CNTNAP2: variants seen among roughly 807,000 people sequenced by gnomAD.
The protein encoded by CNTNAP2 is contactin associated protein 2.
A neutral mutation model predicts 155.2 loss-of-function variants in CNTNAP2; 98 were observed. That is an observed-to-expected ratio of 0.63 (90% CI 0.54 to 0.75). The LOEUF (loss-of-function observed/expected upper bound fraction) is 0.75. Among genes scored for constraint, CNTNAP2 ranks in the 30% least tolerant of loss-of-function variants. The pLI is 0.00. For missense variants in CNTNAP2, 1,727 were observed against 1,688.1 expected, an observed-to-expected ratio of 1.02 and a Z score of -0.40; for synonymous variants, 651 against 631.2, an observed-to-expected ratio of 1.03 and a Z score of -0.47.
In CNTNAP2 at chr7:146,705,510, C is replaced by T. The variant is rs915608670; in HGVS notation, c.98-68761C>T. Among the ~76,000 whole-genome samples, 3 of 152,206 alleles carry T rather than the reference C, an allele frequency of 2.0e-5. No homozygotes were observed. In the South Asian group the frequency reaches 6.2e-4, roughly 32 times the overall value. ...TATCACCCCGCAAAATGCTCCACCT[C>T]CTAATACAATCTTCTTGGTACAACG... is the stretch of plus-strand genomic sequence containing the variant. On this transcript the variant is annotated intron_variant, in intron 1 of 23. Coordinates refer to ENST00000361727, the MANE Select transcript of CNTNAP2 (RefSeq NM_014141.6).
At chr7:147,650,934 G>T (rs1228738435) in intron 13 of CNTNAP2, among the ~76,000 whole-genome samples, 1 of 152,052 alleles carries the variant, frequency 6.6e-6, no homozygotes, top group Non-Finnish European at 1.5e-5. Context: ...AATAAATTTA[G>T]AATTCATAAT....
intron 13 of CNTNAP2, among the ~76,000 whole-genome samples, chr7:147,884,911 A>G (rs1563123382): frequency 6.6e-6 from 1 of 152,326 alleles, no homozygotes; most frequent in Non-Finnish European, 1.5e-5. Context: ...TTATAAACAA[A>G]AAAAGGATTT....
intron 3 of CNTNAP2, among the ~76,000 whole-genome samples, chr7:146,919,476 T>C (rs958059933): frequency 6.6e-6 from 1 of 152,172 alleles, no homozygotes; most frequent in Admixed American, 6.6e-5. Context: ...AGCCAACCAG[T>C]AGAGCTACTG....
At chr7:147,976,056 T>A (rs2116862479) in intron 14 of CNTNAP2, among the ~76,000 whole-genome samples, 1 of 152,332 alleles carries the variant, frequency 6.6e-6, no homozygotes, top group African/African-American at 2.4e-5. Flanking sequence ...CAATAAAACT[T>A]TTTTATGAAC....
intron 1 of CNTNAP2, among the ~76,000 whole-genome samples, chr7:146,747,314 A>C (rs1375770479): frequency 6.6e-6 from 1 of 152,194 alleles, no homozygotes; most frequent in Non-Finnish European, 1.5e-5. Context: ...AGGACCTAAG[A>C]GAGATTAAGG....
chr7:146,154,927 C>T (rs1191139837), intron 1 of CNTNAP2, among the ~76,000 whole-genome samples: 10 of 152,120 alleles, frequency 6.6e-5, no homozygotes, highest in Non-Finnish European at 8.8e-5. Context: ...CACAAATCAA[C>T]GATATTGAAA....
chr7:147,886,472 T>C (rs1188042939), intron 13 of CNTNAP2, among the ~76,000 whole-genome samples: 3 of 60,820 alleles, frequency 4.9e-5, no homozygotes, highest in African/African-American at 2.9e-4. Flanking sequence ...GGAAACTCCA[T>C]CTCAAAAAAA....
intron 5 of CNTNAP2, among the ~76,000 whole-genome samples, chr7:147,116,155 A>G (rs1800985809): frequency 6.6e-6 from 1 of 152,094 alleles, no homozygotes; most frequent in African/African-American, 2.4e-5. Flanking sequence ...ATCAGCAATG[A>G]AGCCTGCAGG....
chr7:146,142,095 A>G (rs905624988), intron 1 of CNTNAP2, among the ~76,000 whole-genome samples: 1 of 152,200 alleles, frequency 6.6e-6, no homozygotes, highest in African/African-American at 2.4e-5. Flanking sequence ...ATTAACTTTC[A>G]CAATAAGCAC....
intron 1 of CNTNAP2, among the ~76,000 whole-genome samples, chr7:146,302,575 T>C (rs1363211758): frequency 6.6e-6 from 1 of 152,142 alleles, no homozygotes; most frequent in African/African-American, 2.4e-5. Context: ...CTAAGTAATT[T>C]GCACAATATT....
intron 21 of CNTNAP2, among the ~76,000 whole-genome samples, chr7:148,271,964 G>A (rs1269426185): frequency 6.6e-6 from 1 of 152,008 alleles, no homozygotes; most frequent in Non-Finnish European, 1.5e-5. Flanking sequence ...CTGCTACTCA[G>A]AAACTGATTC....
At chr7:148,004,788 T>C (rs768860588) in intron 15 of CNTNAP2, among the ~76,000 whole-genome samples, 49 of 152,316 alleles carry the variant, frequency 3.2e-4, no homozygotes, top group Non-Finnish European at 2.6e-4. Context: ...GATTTTTAAA[T>C]AGAACTCGAG....
chr7:146,916,810 A>T (rs1796404320), intron 3 of CNTNAP2, among the ~76,000 whole-genome samples: 1 of 151,548 alleles, frequency 6.6e-6, no homozygotes, highest in South Asian at 2.1e-4. Flanking sequence ...GTTTGTTTTG[A>T]TTTCATTTAG....
intron 1 of CNTNAP2, among the ~76,000 whole-genome samples, chr7:146,655,924 C>G (rs1799989253): frequency 6.6e-6 from 1 of 152,096 alleles, no homozygotes; most frequent in South Asian, 2.1e-4. Context: ...CTGAGCATCT[C>G]TCTAGAAATA....
chr7:147,400,496 G>T (rs1235804958), intron 10 of CNTNAP2, among the ~76,000 whole-genome samples: 1 of 152,128 alleles, frequency 6.6e-6, no homozygotes, highest in Admixed American at 6.5e-5. Flanking sequence ...TAATTAAGTG[G>T]TGATCATGCT....
chr7:147,317,827 T>TGC (rs1403519638), intron 9 of CNTNAP2, among the ~76,000 whole-genome samples: 24 of 151,764 alleles, frequency 1.6e-4, no homozygotes, highest in African/African-American at 5.3e-4. Context: ...TGTGTGTGTG[T>TGC]GCGTGTATAT....
chr7:146,350,018 C>T (rs547208567), intron 1 of CNTNAP2, among the ~76,000 whole-genome samples: 66 of 152,182 alleles, frequency 4.3e-4, no homozygotes, highest in Middle Eastern at 3.4e-3. Flanking sequence ...GTTGGCCTGC[C>T]TTGCTAGATT....
intron 1 of CNTNAP2, among the ~76,000 whole-genome samples, chr7:146,400,544 G>A (rs192714210): frequency 1.3e-5 from 2 of 152,322 alleles, no homozygotes; most frequent in African/African-American, 4.8e-5. Context: ...GGAACAGGCT[G>A]TGATCTTTGG....
At chr7:146,715,733 T>C (rs1801175615) in intron 1 of CNTNAP2, among the ~76,000 whole-genome samples, 1 of 152,168 alleles carries the variant, frequency 6.6e-6, no homozygotes, top group Non-Finnish European at 1.5e-5. Flanking sequence ...CCAAGTTAAA[T>C]AGTTTTTTAA....
Sources: gnomAD v4.1 joint callset for allele counts (sites outside exome capture counted in the v4.1 genomes callset) on GRCh38, gnomAD v4.1.1 for gene constraint, MANE v1.5 for transcripts, NCBI Gene and HGNC (gene_info 2026-07-23, HGNC 2026-07-21) for gene names.